The following ANKRD28 variants were observed in gnomAD, a reference collection of about 807,000 sequenced individuals.
ANKRD28 encodes ankyrin repeat domain 28.
Under a neutral mutation model 126.5 loss-of-function variants are expected in ANKRD28, and 44 were observed. That is an observed-to-expected ratio of 0.35 (90% CI 0.27 to 0.45). ANKRD28 has a LOEUF of 0.45. Among genes scored for constraint, ANKRD28 ranks in the 20% least tolerant of loss-of-function variants. The probability of loss-of-function intolerance (pLI) is 1.00; values close to 1 mark genes in which losing one functional copy is unlikely to be tolerated. For missense variants in ANKRD28, 1,110 were observed against 1,316.6 expected (o/e 0.84, Z 2.43); for synonymous variants, 442 against 468.5 (o/e 0.94, Z 0.73).
intron 2 of ANKRD28, among the ~76,000 whole-genome samples, chr3:15,794,686 T>C (rs938804019): frequency 1.9e-4 from 29 of 152,150 alleles, no homozygotes; most frequent in Non-Finnish European, 1.5e-5. Flanking sequence ...TGAAAACTTT[T>C]CCAACAATGA....
chr3:15,700,731 G>T (rs146639440), intron 14 of ANKRD28, among the ~76,000 whole-genome samples: 3 of 152,014 alleles, frequency 2.0e-5, no homozygotes, highest in African/African-American at 7.3e-5. Context: ...CAGAGATCGC[G>T]CCACTGCACT....
chr3:15,747,006 G>C (rs2057519688), intron 4 of ANKRD28, among the ~76,000 whole-genome samples: 1 of 152,104 alleles, frequency 6.6e-6, no homozygotes, highest in South Asian at 2.1e-4. Flanking sequence ...CATTAGCCTT[G>C]GATAATCTTT....
intron 1 of ANKRD28, among the ~76,000 whole-genome samples, chr3:15,807,051 G>A (rs1056253470): frequency 1.3e-5 from 2 of 152,124 alleles, no homozygotes; most frequent in South Asian, 2.1e-4. Context: ...TATGACCTAC[G>A]CTCCTTTCAG....
Position 15,845,390 on chromosome 3 carries a change from C to G in ANKRD28, c.27+13987G>C, listed in dbSNP as rs907054558. Among the ~76,000 whole-genome samples, 2 of 152,126 alleles carry G rather than the reference C, an allele frequency of 1.3e-5. No individual in the cohort carries two copies. Among genetic ancestry groups the G allele is most frequent in the African/African-American group, 4.8e-5 (2 of 41,410 alleles). On this transcript the variant is annotated intron_variant, in intron 1 of 27. Transcript: ENST00000399451. The surrounding 1 kb of genome is among the most constrained non-coding windows in gnomAD (Gnocchi z 4.9). Reference sequence around the variant, plus strand: ...TTGGGAAATACTCCAACTAGGTTCCCTCTTTGTCCTGAGAATGTCTAAAAG... The same window carrying G: ...TTGGGAAATACTCCAACTAGGTTCCGTCTTTGTCCTGAGAATGTCTAAAAG...
chr3:15,795,386 T>C (rs2125819415), intron 1 of ANKRD28, 80 bp from the exon 2 acceptor site: 2 of 993,422 alleles, frequency 2.0e-6, no homozygotes, highest in Non-Finnish European at 1.5e-6. Flanking sequence ...TTCTGGAATC[T>C]ACAAGTTTTC....
intron 27 of ANKRD28, among the ~76,000 whole-genome samples, chr3:15,675,601 T>C (rs1489735561): frequency 1.3e-5 from 2 of 150,946 alleles, no homozygotes; most frequent in African/African-American, 4.8e-5. Flanking sequence ...AACTAGGATC[T>C]TGATACATAT....
At chr3:15,840,546 A>G (rs1415223658) in intron 1 of ANKRD28, among the ~76,000 whole-genome samples, 3 of 152,234 alleles carry the variant, frequency 2.0e-5, no homozygotes, top group African/African-American at 7.2e-5. Context: ...AAACAATCCT[A>G]ACATTTATAT....
intron 8 of ANKRD28, among the ~76,000 whole-genome samples, chr3:15,717,908 T>C (rs1040790145): frequency 4.6e-5 from 7 of 152,120 alleles, no homozygotes; most frequent in African/African-American, 1.7e-4. Flanking sequence ...TTTCTAGTCA[T>C]CTATAACTTG....
In ANKRD28 at chr3:15,670,210, T is replaced by C; in HGVS notation, c.*60A>G. ...ATTTCTACGTGAATATCAAAGTGCC[T>C]TTTTCCTGAAAAAGCACAGTTTGAA... On this transcript the variant is annotated 3_prime_UTR_variant, in exon 28 of 28. Coordinates refer to ENST00000683139, the MANE Select transcript of ANKRD28 (RefSeq NM_001349278.2). 1 of 1,548,248 alleles carries C rather than the reference T, an allele frequency of 6.5e-7. No individual in the cohort carries two copies. Among genetic ancestry groups the C allele is most frequent in the Non-Finnish European group, 8.8e-7 (1 of 1,140,768 alleles).
intron 12 of ANKRD28, among the ~76,000 whole-genome samples, chr3:15,710,057 CAG>C (rs2072026521): frequency 6.9e-6 from 1 of 144,106 alleles, no homozygotes; most frequent in Non-Finnish European, 1.5e-5. Context: ...TTTCTTGAAA[CAG>C]AGCCTCACTC....
chr3:15,768,156 G>C (rs1382889709), intron 2 of ANKRD28, among the ~76,000 whole-genome samples: 2 of 152,004 alleles, frequency 1.3e-5, no homozygotes, highest in African/African-American at 4.8e-5. Flanking sequence ...TATATTTGGG[G>C]GGCCTCTTAC....
At chr3:15,842,293 G>T (rs1325538074) in intron 1 of ANKRD28, among the ~76,000 whole-genome samples, 1 of 151,922 alleles carries the variant, frequency 6.6e-6, no homozygotes, top group Non-Finnish European at 1.5e-5. Flanking sequence ...AGTGAAATAA[G>T]CCAGGCACAA....
chr3:15,736,924 A>AT, intron 5 of ANKRD28, 109 bp downstream of exon 5: 1 of 1,149,204 alleles, frequency 8.7e-7, no homozygotes, highest in Non-Finnish European at 1.2e-6. Flanking sequence ...CAAAAATGAG[A>AT]AAGATAAATA....
At chr3:15,840,960 GCAAAA>G (rs2061414906) in intron 1 of ANKRD28, among the ~76,000 whole-genome samples, 2 of 152,108 alleles carry the variant, frequency 1.3e-5, no homozygotes, top group Admixed American at 6.6e-5. Context: ...GGCCAAAATG[GCAAAA>G]CACTGTCTCT....
intron 27 of ANKRD28, among the ~76,000 whole-genome samples, chr3:15,673,391 A>T (rs2066578119): frequency 1.3e-5 from 2 of 152,226 alleles, no homozygotes; most frequent in Non-Finnish European, 2.9e-5. Context: ...GCAAATATTC[A>T]CTGAGCCTCC....
At chr3:15,859,151 G>C (rs930653238) in intron 1 of ANKRD28, among the ~76,000 whole-genome samples, 2 of 152,196 alleles carry the variant, frequency 1.3e-5, no homozygotes, top group Non-Finnish European at 2.9e-5. Context: ...TGCTGCAGCG[G>C]CTAGACCCCC....
intron 21 of ANKRD28, 63 bp from the exon 22 acceptor site, chr3:15,679,626 A>G (rs2067310636): frequency 5.4e-6 from 7 of 1,293,710 alleles, no homozygotes; most frequent in Non-Finnish European, 7.7e-6. Context: ...AATCACAGGT[A>G]CATGTAAGTG....
chr3:15,686,495 T>C (rs2068145461), intron 18 of ANKRD28, 186 bp from the exon 19 acceptor site: 3 of 599,890 alleles, frequency 5.0e-6, no homozygotes, highest in Non-Finnish European at 8.8e-6. Context: ...GGAATAAATG[T>C]GAATTCCTCA....
chr3:15,790,639 T>A (rs1160308992), intron 2 of ANKRD28, among the ~76,000 whole-genome samples: 1 of 152,036 alleles, frequency 6.6e-6, no homozygotes, highest in Non-Finnish European at 1.5e-5. Context: ...AAGGAACATA[T>A]CTCAACATAA....
Sources: gnomAD v4.1 joint callset for allele counts (sites outside exome capture counted in the v4.1 genomes callset) on GRCh38, gnomAD v4.1.1 for gene constraint, Gnocchi (gnomAD v3.1) non-coding constraint, MANE v1.5 for transcripts, NCBI Gene and HGNC (gene_info 2026-07-23, HGNC 2026-07-21) for gene names.